DLG2: variants seen among roughly 807,000 people sequenced by gnomAD.
DLG2 encodes the protein disks large homolog 2.
A neutral mutation model predicts 132.5 loss-of-function variants in DLG2; 45 were observed. That is an observed-to-expected ratio of 0.34 (90% CI 0.27 to 0.44). The LOEUF (loss-of-function observed/expected upper bound fraction) is 0.44, where lower values mean the gene tolerates loss of function less well. Among genes scored for constraint, DLG2 ranks in the 20% least tolerant of loss-of-function variants. The probability of loss-of-function intolerance (pLI) is 1.00; values close to 1 mark genes in which losing one functional copy is unlikely to be tolerated. For synonymous variants in DLG2, 424 were observed against 419.6 expected (o/e 1.01, Z -0.13); for missense variants, 1,045 against 1,196.9 (o/e 0.87, Z 1.87).
chr11:83,648,713 T>TC (rs2069050654), intron 18 of DLG2, among the ~76,000 whole-genome samples: 1 of 152,208 alleles, frequency 6.6e-6, no homozygotes, highest in South Asian at 2.1e-4. Context: ...ACCACCACCA[T>TC]CCCCAGCCCT....
intron 6 of DLG2, among the ~76,000 whole-genome samples, chr11:84,950,051 G>A (rs1323408842): frequency 6.6e-6 from 1 of 152,114 alleles, no homozygotes; most frequent in East Asian, 1.9e-4. Context: ...GGCTTCAGCC[G>A]GACCCTCCGT....
At chr11:83,819,413 T>A (rs960590754) in intron 17 of DLG2, among the ~76,000 whole-genome samples, 1 of 130,196 alleles carries the variant, frequency 7.7e-6, no homozygotes, top group African/African-American at 3.0e-5. Context: ...GAGGTTGCAG[T>A]GATCCAAGAT....
At chr11:85,500,866 G>A (rs2093784820) in intron 3 of DLG2, among the ~76,000 whole-genome samples, 1 of 152,234 alleles carries the variant, frequency 6.6e-6, no homozygotes, top group African/African-American at 2.4e-5. Flanking sequence ...TGGATTCCAT[G>A]CTATCCCCAT....
At chr11:84,102,449 G>A (rs2092609764) in intron 9 of DLG2, among the ~76,000 whole-genome samples, 2 of 152,232 alleles carry the variant, frequency 1.3e-5, no homozygotes, top group Admixed American at 1.3e-4. Flanking sequence ...ATGTGTTAAG[G>A]AATACAATAT....
At chr11:83,632,037 G>T (rs79428774) in intron 19 of DLG2, 1 of 152,104 alleles carries the variant, frequency 6.6e-6, no homozygotes, top group African/African-American at 2.4e-5. Context: ...TTGAAATGGA[G>T]TTGGCCAAAT....
intron 7 of DLG2, among the ~76,000 whole-genome samples, chr11:84,446,387 G>A (rs1356285365): frequency 6.6e-6 from 1 of 152,036 alleles, no homozygotes; most frequent in East Asian, 1.9e-4. Context: ...CACTCATGGT[G>A]AGTATTTTCT....
intron 15 of DLG2, among the ~76,000 whole-genome samples, chr11:83,891,443 A>T (rs925155370): frequency 1.3e-5 from 2 of 152,224 alleles, no homozygotes; most frequent in African/African-American, 4.8e-5. Context: ...TTTGGAATAT[A>T]TTCTGTAGGC....
intron 6 of DLG2, among the ~76,000 whole-genome samples, chr11:84,676,953 C>T (rs528617824): frequency 2.0e-5 from 3 of 151,774 alleles, no homozygotes; most frequent in Non-Finnish European, 4.4e-5. Flanking sequence ...TTTTCAAAAG[C>T]GTGGGGCATC....
intron 7 of DLG2, among the ~76,000 whole-genome samples, chr11:84,477,704 T>C (rs1275696650): frequency 1.3e-5 from 2 of 152,156 alleles, no homozygotes; most frequent in Non-Finnish European, 2.9e-5. Context: ...AACCCTTCAG[T>C]GAAGAGAACT....
intron 6 of DLG2, among the ~76,000 whole-genome samples, chr11:85,087,282 G>A (rs1439688472): frequency 1.3e-5 from 2 of 152,202 alleles, no homozygotes; most frequent in African/African-American, 2.4e-5. Context: ...GTATGAGAGA[G>A]TGAAACAGTG....
chr11:85,628,075 G>A (rs932274994), upstream of DLG2, among the ~76,000 whole-genome samples: 1 of 152,160 alleles, frequency 6.6e-6, no homozygotes, highest in African/African-American at 2.4e-5. Context: ...ACTACAGACT[G>A]GGGAGAGGAG....
chr11:83,891,531 C>A (rs193108397), intron 15 of DLG2, among the ~76,000 whole-genome samples: 16 of 152,096 alleles, frequency 1.1e-4, no homozygotes, highest in African/African-American at 3.9e-4. Flanking sequence ...CTTTCATGAT[C>A]CTCAGGTTTA....
intron 6 of DLG2, chr11:84,923,165 A>G (rs770106836): frequency 1.2e-6 from 2 of 1,612,792 alleles, no homozygotes; most frequent in South Asian, 1.1e-5. Context: ...TTCTCAGCAC[A>G]GCGCAAGCCC....
chr11:85,333,362 G>T (rs1052178684), intron 3 of DLG2, among the ~76,000 whole-genome samples: 2 of 152,014 alleles, frequency 1.3e-5, no homozygotes, highest in Non-Finnish European at 2.9e-5. Flanking sequence ...GGGTTGTCTG[G>T]GTATAAAATC....
At chr11:85,261,746 T>C (rs1359127284) in intron 4 of DLG2, among the ~76,000 whole-genome samples, 1 of 152,066 alleles carries the variant, frequency 6.6e-6, no homozygotes, top group East Asian at 1.9e-4. Flanking sequence ...TTTGACAAGT[T>C]GAAGATGCAA....
rs182999717 is a variant in DLG2 at position 83,842,798 on chromosome 11, A to T, written c.1566-9028T>A. ...GCCACTGCACTCCAGCCTGGGCGAC[A>T]GAGCAAGACTCTGTCTCCAAAAAAA... On this transcript the variant is annotated intron_variant, in intron 16 of 27. Transcript: ENST00000376104. Among the ~76,000 whole-genome samples, 415 of 147,200 alleles carry T rather than the reference A, an allele frequency of 2.8e-3. 12 individuals carry two copies. The highest frequency in any genetic ancestry group is 0.026 in the Admixed American group (381 of 14,838).
At chr11:83,834,770 A>G (rs1674845462) in intron 16 of DLG2, among the ~76,000 whole-genome samples, 2 of 152,210 alleles carry the variant, frequency 1.3e-5, no homozygotes, top group Non-Finnish European at 2.9e-5. Context: ...ATAATATGGA[A>G]TTATAGAATG....
intron 4 of DLG2, among the ~76,000 whole-genome samples, chr11:85,183,988 T>C (rs1456180655): frequency 6.6e-6 from 1 of 152,020 alleles, no homozygotes; most frequent in African/African-American, 2.4e-5. Flanking sequence ...TTTTCCTTTC[T>C]GTTTTACATA....
chr11:85,584,728 G>C (rs1565720230), intron 3 of DLG2, among the ~76,000 whole-genome samples: 1 of 152,194 alleles, frequency 6.6e-6, no homozygotes, highest in East Asian at 1.9e-4. Context: ...TTGTGGTTTT[G>C]ATTTGCATTT....
Sources: allele counts gnomAD v4.1 joint callset (sites outside exome capture counted in the v4.1 genomes callset), GRCh38; gene constraint gnomAD v4.1.1; transcripts MANE v1.5; gene names NCBI Gene and HGNC (gene_info 2026-07-23, HGNC 2026-07-21).